Variants in GABRA2 observed in about 807,000 individuals in gnomAD.
The protein encoded by GABRA2 is gamma-aminobutyric acid type A receptor subunit alpha2.
A neutral mutation model predicts 48.7 loss-of-function variants in GABRA2; 16 were observed. That is an observed-to-expected ratio of 0.33 (90% CI 0.22 to 0.50). GABRA2 has a LOEUF of 0.50. GABRA2 is among the 20% of genes least tolerant of loss of function. The probability of loss-of-function intolerance (pLI) is 0.98; values close to 1 mark genes in which losing one functional copy is unlikely to be tolerated. For missense variants in GABRA2, 275 were observed against 535.6 expected (o/e 0.51, Z 4.80); for synonymous variants, 185 against 184.5 (o/e 1.00, Z -0.02).
intron 8 of GABRA2, among the ~76,000 whole-genome samples, chr4:46,275,056 G>A (rs1389735344): frequency 2.0e-5 from 3 of 151,976 alleles, no homozygotes; most frequent in African/African-American, 2.4e-5. Context: ...AATTTAACGC[G>A]GCTCTCGTGG....
intron 3 of GABRA2, among the ~76,000 whole-genome samples, chr4:46,354,947 T>C (rs938054075): frequency 6.6e-6 from 1 of 152,126 alleles, no homozygotes; most frequent in Non-Finnish European, 1.5e-5. Context: ...GATTATAAAC[T>C]TCCATGAGAG....
chr4:46,369,085 C>A, intron 3 of GABRA2: 1 of 675,924 alleles, frequency 1.5e-6, no homozygotes, highest in South Asian at 1.5e-5. Flanking sequence ...AGAAATCTGG[C>A]AATATGGGAA....
chr4:46,293,814 A>G (rs1190673248), intron 8 of GABRA2, among the ~76,000 whole-genome samples: 4 of 152,208 alleles, frequency 2.6e-5, no homozygotes, highest in Admixed American at 2.0e-4. Context: ...TGAAAAATGC[A>G]GGGGTGGTGA....
chr4:46,370,431 G>T (rs2109996673), intron 3 of GABRA2, among the ~76,000 whole-genome samples: 1 of 152,062 alleles, frequency 6.6e-6, no homozygotes, highest in African/African-American at 2.4e-5. Flanking sequence ...CAACCAACCA[G>T]GAAAAAGGAG....
chr4:46,294,690 T>G (rs1724306332), intron 8 of GABRA2, among the ~76,000 whole-genome samples: 1 of 152,164 alleles, frequency 6.6e-6, no homozygotes, highest in African/African-American at 2.4e-5. Flanking sequence ...TGAACCCCAA[T>G]GGACATCTCT....
intron 3 of GABRA2, among the ~76,000 whole-genome samples, chr4:46,354,266 T>C (rs1263000399): frequency 6.6e-6 from 1 of 152,192 alleles, no homozygotes; most frequent in African/African-American, 2.4e-5. Flanking sequence ...AGCTTGGATG[T>C]TAACTGCTGT....
In GABRA2 at chr4:46,248,627, A is replaced by G. The variant is rs1714148917; in HGVS notation, c.*1681T>C. On this transcript the variant is annotated 3_prime_UTR_variant, in exon 10 of 10. Coordinates refer to ENST00000381620, the MANE Select transcript of GABRA2 (RefSeq NM_000807.4). The stretch of plus-strand genomic sequence containing the variant: ...ACATGGAAACAAAGAAATTTTAAAA[A>G]TTAAATGAGGCAAAGGAATAGCAAT... The G allele has an allele frequency of 6.6e-6, 1 of 151,450 alleles. No individual in the cohort carries two copies. The highest frequency in any genetic ancestry group is 1.5e-5 in the Non-Finnish European group (1 of 67,626). 9.4% of individuals were successfully genotyped at this position (151,450 alleles called of 1,614,324 possible). A position where few individuals can be genotyped will look rare whatever the true frequency, so the allele number is the denominator to read the frequency against.
chr4:46,322,011 C>G (rs1184088292), intron 4 of GABRA2, among the ~76,000 whole-genome samples: 2 of 152,042 alleles, frequency 1.3e-5, no homozygotes, highest in Non-Finnish European at 2.9e-5. Context: ...ACCAACCATA[C>G]AAACGGCATA....
chr4:46,382,193 C>CACATATAT (rs34058486), intron 3 of GABRA2, among the ~76,000 whole-genome samples: 57 of 148,440 alleles, frequency 3.8e-4, no homozygotes, highest in African/African-American at 1.4e-3. Context: ...CACACACACA[C>CACATATAT]ATATATATAT....
chr4:46,385,078 C>CATATATATATATAT (rs36113226), intron 3 of GABRA2, among the ~76,000 whole-genome samples: 13 of 143,556 alleles, frequency 9.1e-5, no homozygotes, highest in South Asian at 2.3e-4. Context: ...AATTGCCTAA[C>CATATATATATATAT]ATATATATAT....
intron 8 of GABRA2, among the ~76,000 whole-genome samples, chr4:46,302,263 A>G (rs1367852433): frequency 6.6e-6 from 1 of 151,922 alleles, no homozygotes; most frequent in African/African-American, 2.4e-5. Flanking sequence ...GTCTTGCTAT[A>G]TTGCCCAGAC....
rs1021307842 is a variant in GABRA2 at position 46,248,129 on chromosome 4, C to T, written c.*2179G>A. Among the ~76,000 whole-genome samples the T allele has an allele frequency of 1.3e-5, 2 of 151,162 alleles. No individual in the cohort carries two copies. The highest frequency in any genetic ancestry group is 6.6e-5 in the Admixed American group (1 of 15,112). On this transcript the variant is annotated 3_prime_UTR_variant, in exon 10 of 10. Transcript: ENST00000381620. The stretch of plus-strand genomic sequence containing the variant: ...GTCATACAGAAACTGTTATTTACAA[C>T]TGTTTTTACATATACACATATTTAT...
rs1713626793 is a variant in GABRA2, at chr4:46,245,893, T to C, written c.*4415A>G. Among the ~76,000 whole-genome samples the C allele has an allele frequency of 6.6e-6, 1 of 151,224 alleles. No homozygotes were observed. The highest frequency in any genetic ancestry group is 2.4e-5 in the African/African-American group (1 of 41,352). On this transcript the variant is annotated 3_prime_UTR_variant, in exon 10 of 10. Transcript: ENST00000381620. Reference sequence around the variant, plus strand: ...TGGGACGTATAACCACCTTTATAAGTATTTCTTCATATATAAACAAACAAA... The same window carrying C: ...TGGGACGTATAACCACCTTTATAAGCATTTCTTCATATATAAACAAACAAA...
At chr4:46,310,309 T>C (rs1727419333) in intron 5 of GABRA2, 54 bp from the exon 6 acceptor site, 2 of 1,308,936 alleles carry the variant, frequency 1.5e-6, no homozygotes, top group Non-Finnish European at 2.2e-6. Context: ...TCAAGAAAAA[T>C]CACTCGTCAT....
chr4:46,387,411 C>A (rs1409012093), intron 2 of GABRA2, among the ~76,000 whole-genome samples: 1 of 152,146 alleles, frequency 6.6e-6, no homozygotes, highest in African/African-American at 2.4e-5. Context: ...CACAATACAT[C>A]AAAAACTGGT....
rs1713455456 is a variant in GABRA2, at chr4:46,245,030, TTTG to T, written c.*5275_*5277del. On this transcript the variant is annotated 3_prime_UTR_variant, in exon 10 of 10. Transcript: ENST00000381620. Reference sequence around the variant, plus strand: ...CAGGTTTTTGGTTTTTTTGTTGTTTTTTGTTTTTTTGTTTGTTTGTTTCGTTTA... The same window carrying T: ...CAGGTTTTTGGTTTTTTTGTTGTTTTTTTTTTTGTTTGTTTGTTTCGTTTA... Among the ~76,000 whole-genome samples the T allele has an allele frequency of 6.6e-6, 1 of 151,376 alleles. No individual in the cohort carries two copies. Among genetic ancestry groups the T allele is most frequent in the African/African-American group, 2.4e-5 (1 of 41,368 alleles).
At chr4:46,282,009 C>T (rs1721628919) in intron 8 of GABRA2, among the ~76,000 whole-genome samples, 1 of 152,084 alleles carries the variant, frequency 6.6e-6, no homozygotes, top group Admixed American at 6.6e-5. Context: ...CATGATTAGG[C>T]AGAGTATGTC....
At chr4:46,364,548 G>A (rs979062651) in intron 3 of GABRA2, 2 of 152,168 alleles carry the variant, frequency 1.3e-5, no homozygotes, top group African/African-American at 4.8e-5. Context: ...CTCTGGGGAA[G>A]AATCAGCTTC....
chr4:46,336,236 T>A (rs1208149823), intron 3 of GABRA2, among the ~76,000 whole-genome samples: 1 of 152,176 alleles, frequency 6.6e-6, no homozygotes, highest in Non-Finnish European at 1.5e-5. Flanking sequence ...ACTTTAAAAA[T>A]GGTCATGCAT....
Sources: gnomAD v4.1 joint callset for allele counts (sites outside exome capture counted in the v4.1 genomes callset) on GRCh38, gnomAD v4.1.1 for gene constraint, MANE v1.5 for transcripts, NCBI Gene and HGNC (gene_info 2026-07-23, HGNC 2026-07-21) for gene names.